DNAJC12: variants seen among roughly 807,000 people sequenced by gnomAD.
DNAJC12 encodes the protein dnaJ homolog subfamily C member 12.
Under a neutral mutation model 28.5 loss-of-function variants are expected in DNAJC12, and 25 were observed. That is an observed-to-expected ratio of 0.88 (90% CI 0.64 to 1.22). The LOEUF (loss-of-function observed/expected upper bound fraction) is 1.22. Among genes scored for constraint, DNAJC12 ranks in the 50% most tolerant of loss-of-function variants. The probability of loss-of-function intolerance (pLI) is 0.00; values close to 1 mark genes in which losing one functional copy is unlikely to be tolerated. For missense variants in DNAJC12, 222 were observed against 231.7 expected (o/e 0.96, Z 0.27); for synonymous variants, 77 against 80.6 (o/e 0.95, Z 0.24).
At chr10:67,808,335 A>G (rs909225014) in intron 3 of DNAJC12, among the ~76,000 whole-genome samples, 29 of 152,220 alleles carry the variant, frequency 1.9e-4, no homozygotes, top group African/African-American at 6.0e-4. Context: ...CTAAACAGAC[A>G]GCAAGCCTAG....
At position 67,805,710 on chromosome 10, in the gene DNAJC12, T is replaced by C; in HGVS notation, c.375A>G (p.Glu125=). ...ESDKTHTTKM[E]NEECNEQRER... is the part of the protein sequence containing the mutation. ...CTCTTTGCTCATTACATTCCTCATTTTCCATCTTGGTGGTATGAGTCTTGT... is the reference window on the plus strand; with the variant it reads ...CTCTTTGCTCATTACATTCCTCATTCTCCATCTTGGTGGTATGAGTCTTGT... The change falls in exon 4 of 5, where the codon GAA becomes GAG. Residue 125 remains glutamate, a synonymous_variant. Transcript: ENST00000225171. 6.2e-7 allele frequency: 1 copy of C among 1,613,462 alleles called. No individual in the cohort carries two copies. Among genetic ancestry groups the C allele is most frequent in the Non-Finnish European group, 8.5e-7 (1 of 1,179,890 alleles).
At chr10:67,799,455 C>A (rs1239908017) in intron 4 of DNAJC12, among the ~76,000 whole-genome samples, 2 of 152,128 alleles carry the variant, frequency 1.3e-5, no homozygotes, top group South Asian at 4.1e-4. Flanking sequence ...TATACTAACA[C>A]AAATGAAAAT....
chr10:67,800,714 G>A (rs985693883), intron 4 of DNAJC12, among the ~76,000 whole-genome samples: 10 of 152,114 alleles, frequency 6.6e-5, no homozygotes, highest in African/African-American at 1.9e-4. Context: ...GGTGGGCCGA[G>A]GTGGGCAGAT....
chr10:67,822,172 G>C (rs942191275), intron 2 of DNAJC12, among the ~76,000 whole-genome samples: 1 of 152,174 alleles, frequency 6.6e-6, no homozygotes, highest in African/African-American at 2.4e-5. Context: ...GGGCTCAGAA[G>C]AGAGCTTAGG....
At chr10:67,836,245 G>A (rs1842141677) in intron 1 of DNAJC12, among the ~76,000 whole-genome samples, 1 of 151,972 alleles carries the variant, frequency 6.6e-6, no homozygotes, top group Non-Finnish European at 1.5e-5. Context: ...AATACCTAAT[G>A]TATGCGGGGC....
intron 4 of DNAJC12, among the ~76,000 whole-genome samples, chr10:67,804,173 C>T (rs1001465827): frequency 5.3e-5 from 8 of 152,154 alleles, no homozygotes; most frequent in Admixed American, 2.0e-4. Context: ...TGTGTGTATA[C>T]AATGTGTGTA....
chr10:67,837,373 G>C (rs1842150702), intron 1 of DNAJC12, among the ~76,000 whole-genome samples: 1 of 152,090 alleles, frequency 6.6e-6, no homozygotes, highest in Admixed American at 6.6e-5. Flanking sequence ...TACAGATCCA[G>C]TGAACAGCTA....
At chr10:67,798,796 G>A (rs1841706981) in intron 4 of DNAJC12, among the ~76,000 whole-genome samples, 1 of 110,764 alleles carries the variant, frequency 9.0e-6, no homozygotes, top group Non-Finnish European at 1.8e-5. Flanking sequence ...ACGGAGTTTC[G>A]CTCTTGTTGC....
At chr10:67,826,793 A>G (rs1268004845) in intron 1 of DNAJC12, among the ~76,000 whole-genome samples, 2 of 126,502 alleles carry the variant, frequency 1.6e-5, no homozygotes, top group Non-Finnish European at 3.2e-5. Context: ...ATATCATTAG[A>G]TATCAGATAT....
chr10:67,805,862 T>G (rs1841795621), intron 3 of DNAJC12, 75 bp from the exon 4 acceptor site: 1 of 1,185,276 alleles, frequency 8.4e-7, no homozygotes, highest in Admixed American at 2.9e-5. Flanking sequence ...GTTTGATATG[T>G]GGTAACACCT....
chr10:67,802,304 C>T (rs1014908562), intron 4 of DNAJC12, among the ~76,000 whole-genome samples: 1 of 152,080 alleles, frequency 6.6e-6, no homozygotes, highest in Admixed American at 6.6e-5. Flanking sequence ...TAAATTAGAG[C>T]CGAGAACCAG....
chr10:67,828,821 T>C (rs1011658991), intron 1 of DNAJC12, among the ~76,000 whole-genome samples: 1 of 151,994 alleles, frequency 6.6e-6, no homozygotes, highest in Non-Finnish European at 1.5e-5. Flanking sequence ...AAGAATAAAA[T>C]ATAAATTTTA....
At chr10:67,836,791 A>G (rs1842146296) in intron 1 of DNAJC12, among the ~76,000 whole-genome samples, 1 of 152,124 alleles carries the variant, frequency 6.6e-6, no homozygotes, top group African/African-American at 2.4e-5. Flanking sequence ...TTAAAACAAA[A>G]CTAAGCACAT....
intron 2 of DNAJC12, among the ~76,000 whole-genome samples, chr10:67,819,769 A>AGGGAGGGAGG (rs1446676616): frequency 1.2e-4 from 3 of 25,138 alleles, no homozygotes; most frequent in African/African-American, 3.0e-4. Flanking sequence ...GAAGGAAGGA[A>AGGGAGGGAGG]GGAAGGAAGG....
rs1841682364 is a variant in DNAJC12 at position 67,797,200 on chromosome 10, A to T, written c.513T>A (p.Asp171Glu). Residue 171 changes from aspartate to glutamate, a missense_variant, in exon 5 of 5, where the codon GAT becomes GAA. Transcript: ENST00000225171. ...GGAAACGAAGGTGCCAACCATTCAC[A>T]TCTGCAAAACCTTTAAAGGAAAGAA... ...PQNSDSSGFA[D>E]VNGWHLRFRW... 1.2e-6 allele frequency: 2 copies of T among 1,613,680 alleles called. No individual in the cohort carries two copies. Among genetic ancestry groups the T allele is most frequent in the South Asian group, 2.2e-5 (2 of 90,998 alleles).
intron 1 of DNAJC12, among the ~76,000 whole-genome samples, chr10:67,832,132 G>T (rs1447712144): frequency 5.9e-5 from 9 of 152,050 alleles, no homozygotes; most frequent in Admixed American, 2.0e-4. Flanking sequence ...GGGTGTGGTG[G>T]CGCATGCCTG....
chr10:67,819,314 G>A (rs1388364220), intron 2 of DNAJC12, among the ~76,000 whole-genome samples: 2 of 151,544 alleles, frequency 1.3e-5, no homozygotes, highest in Non-Finnish European at 2.9e-5. Flanking sequence ...CAGACTGGGC[G>A]ACAGAGCGAG....
At position 67,797,074 on chromosome 10, in the gene DNAJC12, G is replaced by A. The variant is rs777905044; in HGVS notation, c.*42C>T. 2 of 1,498,532 alleles carry A rather than the reference G, an allele frequency of 1.3e-6. No homozygotes were observed. Among genetic ancestry groups the A allele is most frequent in the Non-Finnish European group, 1.8e-6 (2 of 1,083,140 alleles). 92.8% of individuals were successfully genotyped at this position (1,498,532 alleles called of 1,614,324 possible). A position where few individuals can be genotyped will look rare whatever the true frequency, so the allele number is the denominator to read the frequency against. On this transcript the variant is annotated 3_prime_UTR_variant, in exon 5 of 5. Transcript: ENST00000225171. ...CAAAGACTGCATGTTGGCAGCATAGGGGACAGTCTTGCTCTTCCTCATTTT... is the reference window on the plus strand; with the variant it reads ...CAAAGACTGCATGTTGGCAGCATAGAGGACAGTCTTGCTCTTCCTCATTTT...
Position 67,819,360 on chromosome 10 carries a change from T to C in DNAJC12, c.157+3954A>G, listed in dbSNP as rs1276112198. The stretch of plus-strand genomic sequence containing the variant: ...AAAAAAGAAAAAGAAATGTTCGGGC[T>C]AGGCTCGGTGGCACATGCCTGTAAT... On this transcript the variant is annotated intron_variant, in intron 2 of 4. Coordinates refer to ENST00000225171, the MANE Select transcript of DNAJC12 (RefSeq NM_021800.3). Among the ~76,000 whole-genome samples the C allele has an allele frequency of 2.0e-5, 3 of 149,358 alleles. No homozygotes were observed. In the East Asian group the frequency reaches 6.0e-4, roughly 30 times the overall value.
Sources: gnomAD v4.1 joint callset for allele counts (sites outside exome capture counted in the v4.1 genomes callset) on GRCh38, gnomAD v4.1.1 for gene constraint, MANE v1.5 for transcripts, NCBI Gene and HGNC (gene_info 2026-07-23, HGNC 2026-07-21) for gene names.